The following PNPT1 variants were observed in gnomAD, a reference collection of about 807,000 sequenced individuals.
PNPT1 encodes the protein polyribonucleotide nucleotidyltransferase 1, also known as polyribonucleotide nucleotidyltransferase 1, mitochondrial.
In PNPT1, 53 loss-of-function variants were observed where a neutral mutation model predicts 119.5. The ratio of observed to expected loss-of-function variants is 0.44; its 90% CI spans 0.36 to 0.56. The LOEUF is 0.56. PNPT1 is among the 20% of genes least tolerant of loss of function. The probability of loss-of-function intolerance (pLI) is 0.00; values close to 1 mark genes in which losing one functional copy is unlikely to be tolerated. For missense variants in PNPT1, 948 were observed against 938.5 expected, an observed-to-expected ratio of 1.01 and a Z score of -0.13; for synonymous variants, 357 against 322.1, an observed-to-expected ratio of 1.11 and a Z score of -1.16.
chr2:55,637,679 C>CT (rs1411668484), intron 26 of PNPT1, 80 bp from the exon 27 acceptor site: 3 of 1,233,932 alleles, frequency 2.4e-6, no homozygotes, highest in Non-Finnish European at 3.5e-6. Flanking sequence ...TTTCCTCAAG[C>CT]TTTATTAGTT....
At position 55,636,458 on chromosome 2, in the gene PNPT1, C is replaced by T. The variant is rs193112170; in HGVS notation, c.2197-66G>A. 1,321 of 1,510,228 alleles carry T rather than the reference C, an allele frequency of 8.7e-4. 1 individual carries two copies. Among genetic ancestry groups the T allele is most frequent in the Non-Finnish European group, 1.1e-3 (1,209 of 1,104,004 alleles). The allele number at this position is 1,510,228 out of a possible 1,614,324, so 93.6% of individuals were successfully genotyped here. Reference sequence around the variant, plus strand: ...ATTGAGTGACATCTAAACTAATAGACATTTAAATTTACATGGTCCAAATAA... The same window carrying T: ...ATTGAGTGACATCTAAACTAATAGATATTTAAATTTACATGGTCCAAATAA... On this transcript the variant is annotated intron_variant, in intron 27 of 27. Transcript: ENST00000447944.
rs754196574 is a variant in PNPT1, at chr2:55,636,301, A to G, written c.2288T>C (p.Leu763Ser). The change falls in exon 28 of 28, where the codon TTG (leucine) becomes TCG (serine). Residue 763 changes from leucine to serine, a missense_variant. By Grantham distance (145) the Leu-to-Ser change is moderately radical. Coordinates refer to ENST00000447944, the MANE Select transcript of PNPT1 (RefSeq NM_033109.5). ...CATTACAATACTACTTCTGTCATTC[A>G]AAGTTCTGACCACGGTTGTAGCTGG... ...QSPATTVVRT[L>S]NDRSSIVMGE... The G allele has an allele frequency of 6.2e-7, 1 of 1,613,904 alleles. No homozygotes were observed. The highest frequency in any genetic ancestry group is 1.3e-5 in the African/African-American group (1 of 74,924).
chr2:55,639,020 TC>T lies in PNPT1; in HGVS notation c.2149-1422del, dbSNP rs1695760994. 2.0e-5 allele frequency among the ~76,000 whole-genome samples: 3 copies of T among 152,060 alleles called. No homozygotes were observed. The South Asian group carries it at 6.2e-4, about 31-fold the overall frequency. Reference sequence around the variant, plus strand: ...CAAACTCCTGACCTAAAGTGATCCGTCCACCTTGGCCTCCCAAAGTGCTGGG... The same window carrying T: ...CAAACTCCTGACCTAAAGTGATCCGTCACCTTGGCCTCCCAAAGTGCTGGG... On this transcript the variant is annotated intron_variant, in intron 26 of 27. Coordinates refer to ENST00000447944, the MANE Select transcript of PNPT1 (RefSeq NM_033109.5).
rs572328168 is a variant in PNPT1 at position 55,692,770 on chromosome 2, T to C, written c.161+893A>G. 1.1e-3 allele frequency among the ~76,000 whole-genome samples: 163 copies of C among 152,244 alleles called. No individual in the cohort carries two copies. The Middle Eastern group carries it at 0.014, about 13-fold the overall frequency. ...TTTTCCTTTTCCTCCTAACCCAGGG[T>C]CATAGTGGTCACACTTTAGGCAATC... On this transcript the variant is annotated intron_variant, in intron 1 of 27. Transcript: ENST00000447944.
At chr2:55,667,510 C>T (rs557162223) in intron 12 of PNPT1, among the ~76,000 whole-genome samples, 116 of 151,862 alleles carry the variant, frequency 7.6e-4, no homozygotes, top group African/African-American at 2.7e-3. Flanking sequence ...AGGAGAATGA[C>T]GTGAACCCGG....
intron 5 of PNPT1, 28 bp downstream of exon 5, chr2:55,683,757 C>T: frequency 6.3e-7 from 1 of 1,586,496 alleles, no homozygotes; most frequent in Non-Finnish European, 8.6e-7. Context: ...ATTGATCTGG[C>T]AACTAAAAAA....
chr2:55,691,535 C>A (rs1401756244), intron 1 of PNPT1, among the ~76,000 whole-genome samples: 1 of 152,054 alleles, frequency 6.6e-6, no homozygotes, highest in African/African-American at 2.4e-5. Flanking sequence ...GAACTACCTA[C>A]AAAAGAGGAA....
intron 2 of PNPT1, 69 bp downstream of exon 2, chr2:55,687,576 T>C (rs1422105191): frequency 7.3e-6 from 8 of 1,099,368 alleles, no homozygotes; most frequent in African/African-American, 4.8e-5. Flanking sequence ...CACGATGTTG[T>C]AGTTACACAT....
At chr2:55,665,269 A>C (rs1037864169) in intron 13 of PNPT1, among the ~76,000 whole-genome samples, 1 of 152,234 alleles carries the variant, frequency 6.6e-6, no homozygotes, top group African/African-American at 2.4e-5. Context: ...GTGTAGGAAT[A>C]AATTCAAAGA....
chr2:55,688,975 C>T lies in PNPT1; in HGVS notation c.162-1270G>A, dbSNP rs146640005. 3.5e-3 allele frequency among the ~76,000 whole-genome samples: 535 copies of T among 152,122 alleles called. 3 individuals are homozygous for T. Among genetic ancestry groups the T allele is most frequent in the African/African-American group, 0.011 (442 of 41,504 alleles). On this transcript the variant is annotated intron_variant, in intron 1 of 27. Coordinates refer to ENST00000447944, the MANE Select transcript of PNPT1 (RefSeq NM_033109.5). ...AGTCAAAATGGATCCTAGACCCAAA[C>T]GTAAGAGCTAAAACAATAAAAGTTT...
chr2:55,682,675 A>AGGCAGGAGGATCGCTTGAG (rs1329366185), intron 5 of PNPT1, among the ~76,000 whole-genome samples: 6 of 152,120 alleles, frequency 3.9e-5, no homozygotes, highest in Non-Finnish European at 7.4e-5. Flanking sequence ...TGGGAGGCTG[A>AGGCAGGAGGATCGCTTGAG]GGCAGGAGGA....
intron 1 of PNPT1, among the ~76,000 whole-genome samples, chr2:55,688,189 C>T (rs986236021): frequency 1.3e-5 from 2 of 151,946 alleles, no homozygotes; most frequent in Non-Finnish European, 2.9e-5. Context: ...ACTACATGTG[C>T]ACACCACTAC....
At chr2:55,653,004 C>A (rs1171381214) in intron 18 of PNPT1, among the ~76,000 whole-genome samples, 1 of 152,144 alleles carries the variant, frequency 6.6e-6, no homozygotes, top group Non-Finnish European at 1.5e-5. Context: ...TGGGCCACCA[C>A]ACCCGGCTAA....
chr2:55,646,174 T>A, intron 21 of PNPT1, 85 bp downstream of exon 21: 1 of 1,296,392 alleles, frequency 7.7e-7, no homozygotes, highest in South Asian at 1.3e-5. Flanking sequence ...TTTAAAGCAA[T>A]ATTTTATAAT....
At chr2:55,663,747 G>A (rs1232921949) in intron 13 of PNPT1, among the ~76,000 whole-genome samples, 1 of 152,166 alleles carries the variant, frequency 6.6e-6, no homozygotes, top group Non-Finnish European at 1.5e-5. Flanking sequence ...AGGAGGCTGA[G>A]GCAGGTGAAT....
At chr2:55,644,742 T>C (rs765844624) in intron 22 of PNPT1, 22 bp from the exon 23 acceptor site, 4 of 1,556,182 alleles carry the variant, frequency 2.6e-6, no homozygotes, top group African/African-American at 1.4e-5. Context: ...TACAGACAAA[T>C]ATATAAACAA....
rs1695672209 is a variant in PNPT1, at chr2:55,636,327, C to T, written c.2262G>A (p.Ser754=). The change falls in exon 28 of 28, where the codon TCG becomes TCA. Residue 754 remains serine (S), a synonymous_variant. Transcript: ENST00000447944. ...RMRLSRKVLQ[S]PATTVVRTLN... ...AAGTTCTGACCACGGTTGTAGCTGG[C>T]GACTGAAGCACTTTTCGAGAAAGCC... 4.3e-6 allele frequency: 7 copies of T among 1,614,048 alleles called. No individual in the cohort carries two copies. Among genetic ancestry groups the T allele is most frequent in the Admixed American group, 1.7e-5 (1 of 59,988 alleles).
chr2:55,651,773 T>A (rs1210586026), intron 18 of PNPT1, among the ~76,000 whole-genome samples: 3 of 126,438 alleles, frequency 2.4e-5, no homozygotes, highest in African/African-American at 9.5e-5. Flanking sequence ...ATGATCAATT[T>A]AAAAAAAAAA....
At chr2:55,638,455 T>C (rs1220229767) in intron 26 of PNPT1, among the ~76,000 whole-genome samples, 1 of 152,090 alleles carries the variant, frequency 6.6e-6, no homozygotes, top group African/African-American at 2.4e-5. Flanking sequence ...TAAACCAGAC[T>C]GGGCAACGTG....
Sources: gnomAD v4.1 joint callset for allele counts (sites outside exome capture counted in the v4.1 genomes callset) on GRCh38, gnomAD v4.1.1 for gene constraint, MANE v1.5 for transcripts, NCBI Gene and HGNC (gene_info 2026-07-23, HGNC 2026-07-21) for gene names.